UCHL3: variants seen among roughly 807,000 people sequenced by gnomAD.
UCHL3 encodes ubiquitin carboxyl-terminal hydrolase isozyme L3.
A neutral mutation model predicts 35.8 loss-of-function variants in UCHL3; 22 were observed. The observed-to-expected ratio is 0.61, with a 90% CI of 0.44 to 0.88. The LOEUF (loss-of-function observed/expected upper bound fraction) is 0.88, where lower values mean the gene tolerates loss of function less well. UCHL3 is among the 40% of genes least tolerant of loss of function. The pLI is 0.00. For missense variants in UCHL3, 229 were observed against 276.9 expected (o/e 0.83, Z 1.23); for synonymous variants, 90 against 92.8 (o/e 0.97, Z 0.17).
In UCHL3 at chr13:75,605,996, C is replaced by T. The variant is rs952533788; in HGVS notation, c.*184C>T. On this transcript the variant is annotated 3_prime_UTR_variant, in exon 9 of 9. Transcript: ENST00000377595. The stretch of plus-strand genomic sequence containing the variant: ...AGGTTAAAGGTGCAATGCTTTCCTC[C>T]TCTTTTCTTGTGAAGGATTTATCTT... 1.3e-5 allele frequency: 7 copies of T among 547,234 alleles called. No individual in the cohort carries two copies. The highest frequency in any genetic ancestry group is 3.8e-5 in the African/African-American group (2 of 53,280). The allele number at this position is 547,234 out of a possible 1,614,324, so 33.9% of individuals were successfully genotyped here. A position where few individuals can be genotyped will look rare whatever the true frequency, so the allele number is the denominator to read the frequency against.
upstream of UCHL3, chr13:75,549,781 G>A: frequency 4.4e-6 from 6 of 1,361,094 alleles, no homozygotes; most frequent in Middle Eastern, 2.3e-4. Flanking sequence ...CGGCGGCGAA[G>A]GCGGCGGCTG....
chr13:75,592,332 A>T (rs1433594491), intron 6 of UCHL3, among the ~76,000 whole-genome samples: 1 of 148,282 alleles, frequency 6.7e-6, no homozygotes. Flanking sequence ...TAGTCATACT[A>T]CATCTATGAA....
chr13:75,580,518 A>G (rs1307653982), intron 6 of UCHL3, among the ~76,000 whole-genome samples: 1 of 152,100 alleles, frequency 6.6e-6, no homozygotes, highest in East Asian at 1.9e-4. Flanking sequence ...TTTCTTTTCC[A>G]TGTGCCATAT....
At chr13:75,561,774 T>C (rs2031503522) in intron 3 of UCHL3, among the ~76,000 whole-genome samples, 1 of 150,518 alleles carries the variant, frequency 6.6e-6, no homozygotes, top group South Asian at 2.1e-4. Context: ...TATATGTGTA[T>C]GTTTCTGTGT....
At chr13:75,553,123 A>G (rs534208330) in intron 2 of UCHL3, among the ~76,000 whole-genome samples, 1 of 152,380 alleles carries the variant, frequency 6.6e-6, no homozygotes, top group African/African-American at 2.4e-5. Flanking sequence ...ATCACAATAA[A>G]TAAATCATAT....
chr13:75,598,341 T>C (rs1240529582), intron 7 of UCHL3, among the ~76,000 whole-genome samples: 3 of 152,224 alleles, frequency 2.0e-5, no homozygotes, highest in Non-Finnish European at 4.4e-5. Flanking sequence ...CCTACATAAC[T>C]ATAGTATGAA....
intron 6 of UCHL3, among the ~76,000 whole-genome samples, chr13:75,594,437 C>T (rs1284110293): frequency 6.6e-6 from 1 of 152,194 alleles, no homozygotes; most frequent in African/African-American, 2.4e-5. Flanking sequence ...ATCAGATTAT[C>T]AAGTTCAAGT....
chr13:75,581,478 T>A (rs941818505), intron 6 of UCHL3, among the ~76,000 whole-genome samples: 6 of 150,832 alleles, frequency 4.0e-5, no homozygotes. Flanking sequence ...GCCTCCCAAG[T>A]AGCTGAGACC....
intron 6 of UCHL3, among the ~76,000 whole-genome samples, chr13:75,585,789 A>G (rs1431700607): frequency 6.6e-6 from 1 of 152,074 alleles, no homozygotes; most frequent in Non-Finnish European, 1.5e-5. Flanking sequence ...CTTATACTAC[A>G]TATGTAGTGG....
intron 7 of UCHL3, among the ~76,000 whole-genome samples, chr13:75,600,383 A>T (rs949970302): frequency 1.3e-5 from 2 of 152,212 alleles, no homozygotes; most frequent in Non-Finnish European, 2.9e-5. Flanking sequence ...TAGAGAGGAG[A>T]TGTCAACACC....
chr13:75,550,461 G>GAAGA (rs1430934944), intron 2 of UCHL3, among the ~76,000 whole-genome samples: 1 of 152,126 alleles, frequency 6.6e-6, no homozygotes, highest in East Asian at 1.9e-4. Flanking sequence ...CTTGCCCCAT[G>GAAGA]AAGTCACTTT....
At chr13:75,570,125 G>C (rs2031807032) in intron 6 of UCHL3, among the ~76,000 whole-genome samples, 1 of 151,994 alleles carries the variant, frequency 6.6e-6, no homozygotes, top group South Asian at 2.1e-4. Flanking sequence ...AGGTATTTTA[G>C]TCAAAAAGAA....
chr13:75,584,670 C>T (rs1302951576), intron 6 of UCHL3, among the ~76,000 whole-genome samples: 1 of 152,018 alleles, frequency 6.6e-6, no homozygotes, highest in East Asian at 1.9e-4. Flanking sequence ...AACTATCAGA[C>T]AGGGAATTTA....
chr13:75,550,494 A>G (rs1016146255), intron 2 of UCHL3, among the ~76,000 whole-genome samples: 1 of 152,032 alleles, frequency 6.6e-6, no homozygotes, highest in Non-Finnish European at 1.5e-5. Flanking sequence ...CGCCCCCTTT[A>G]TCTTCCAGTC....
chr13:75,600,722 C>A (rs763170425), intron 7 of UCHL3, among the ~76,000 whole-genome samples: 1 of 152,218 alleles, frequency 6.6e-6, no homozygotes, highest in Non-Finnish European at 1.5e-5. Flanking sequence ...TTAATATTTT[C>A]ATTTCTGCTA....
intron 3 of UCHL3, among the ~76,000 whole-genome samples, chr13:75,564,941 C>T (rs2031638120): frequency 1.3e-5 from 2 of 152,108 alleles, no homozygotes; most frequent in Admixed American, 6.6e-5. Context: ...GATGATCCAC[C>T]CCCTTCAGCC....
At position 75,605,847 on chromosome 13, in the gene UCHL3, T is replaced by C. The variant is rs1372517813; in HGVS notation, c.*35T>C. ...AATGGAAACACCAAAAACTGTATTA[T>C]TTGCAACTAAATTTTCTCTGCCATA... On this transcript the variant is annotated 3_prime_UTR_variant, in exon 9 of 9. Transcript: ENST00000377595. 6.2e-7 allele frequency: 1 copy of C among 1,602,764 alleles called. No homozygotes were observed. Among genetic ancestry groups the C allele is most frequent in the Admixed American group, 1.7e-5 (1 of 58,086 alleles).
intron 6 of UCHL3, among the ~76,000 whole-genome samples, chr13:75,589,271 G>A (rs1242530469): frequency 6.6e-6 from 1 of 152,068 alleles, no homozygotes; most frequent in African/African-American, 2.4e-5. Flanking sequence ...GTGGGTTACT[G>A]GAAGGTTAAA....
intron 5 of UCHL3, among the ~76,000 whole-genome samples, chr13:75,568,864 A>C (rs2031769247): frequency 6.6e-6 from 1 of 152,198 alleles, no homozygotes; most frequent in African/African-American, 2.4e-5. Flanking sequence ...ATTGCTATTT[A>C]TAAAGATTGT....
Sources: allele counts gnomAD v4.1 joint callset (sites outside exome capture counted in the v4.1 genomes callset), GRCh38; gene constraint gnomAD v4.1.1; transcripts MANE v1.5; gene names NCBI Gene and HGNC (gene_info 2026-07-23, HGNC 2026-07-21).